The following SGCZ variants were observed in gnomAD, a reference collection of about 807,000 sequenced individuals.
SGCZ encodes sarcoglycan zeta.
In SGCZ, 40 loss-of-function variants were observed where a neutral mutation model predicts 41.3. That is an observed-to-expected ratio of 0.97 (90% confidence interval 0.75 to 1.26). The LOEUF is 1.26. Among genes scored for constraint, SGCZ ranks in the 50% most tolerant of loss-of-function variants. The pLI, the probability that SGCZ is intolerant of heterozygous loss-of-function variation, is 0.00. For missense variants in SGCZ, 552 were observed against 369.8 expected, an observed-to-expected ratio of 1.49 and a Z score of -4.04; for synonymous variants, 206 against 137.5, an observed-to-expected ratio of 1.50 and a Z score of -3.49.
chr8:14,829,985 T>C (rs889822958), intron 1 of SGCZ, among the ~76,000 whole-genome samples: 6 of 152,122 alleles, frequency 3.9e-5, no homozygotes, highest in Non-Finnish European at 5.9e-5. Flanking sequence ...TAATTTTTTC[T>C]ATTTTTTAGT....
At chr8:14,295,613 G>T (rs1041502477) in intron 3 of SGCZ, among the ~76,000 whole-genome samples, 2 of 152,058 alleles carry the variant, frequency 1.3e-5, no homozygotes, top group African/African-American at 4.8e-5. Flanking sequence ...CTATAACTGA[G>T]GGTAATATAC....
intron 1 of SGCZ, among the ~76,000 whole-genome samples, chr8:14,575,910 T>TAAAAAAAAA: frequency 1.0e-4 from 1 of 9,532 alleles, no homozygotes; most frequent in East Asian, 2.9e-3. Context: ...TGTCTCAAAA[T>TAAAAAAAAA]AACAAAAAAA....
intron 1 of SGCZ, among the ~76,000 whole-genome samples, chr8:15,116,793 G>A (rs1807285861): frequency 6.6e-6 from 1 of 152,192 alleles, no homozygotes; most frequent in African/African-American, 2.4e-5. Context: ...GCAAGTCATT[G>A]TGTGGTAGTT....
chr8:15,183,752 A>G (rs1585649687), intron 1 of SGCZ, among the ~76,000 whole-genome samples: 1 of 152,184 alleles, frequency 6.6e-6, no homozygotes, highest in East Asian at 1.9e-4. Flanking sequence ...ATTGCTAGAG[A>G]TTTTGATTCT....
At chr8:14,943,745 A>C (rs1481320384) in intron 1 of SGCZ, among the ~76,000 whole-genome samples, 1 of 152,102 alleles carries the variant, frequency 6.6e-6, no homozygotes, top group Non-Finnish European at 1.5e-5. Context: ...TTCACCCTCA[A>C]GTAGGCCCTG....
chr8:14,764,255 G>T (rs1799974484), intron 1 of SGCZ, among the ~76,000 whole-genome samples: 2 of 152,092 alleles, frequency 1.3e-5, no homozygotes, highest in Admixed American at 6.5e-5. Flanking sequence ...ATCACCCTTT[G>T]GAAAGCCCCA....
intron 1 of SGCZ, among the ~76,000 whole-genome samples, chr8:14,927,352 G>A (rs575186976): frequency 4.6e-4 from 69 of 150,028 alleles, no homozygotes; most frequent in Non-Finnish European, 8.5e-4. Flanking sequence ...CTTGTGATCC[G>A]CCCGCCTCGG....
At chr8:14,744,006 A>G (rs902819735) in intron 1 of SGCZ, among the ~76,000 whole-genome samples, 8 of 152,090 alleles carry the variant, frequency 5.3e-5, no homozygotes, top group Admixed American at 1.3e-4. Context: ...TCTCTCCTAC[A>G]GGTTTTGCAT....
At chr8:14,421,463 GT>G (rs1259311984) in intron 2 of SGCZ, among the ~76,000 whole-genome samples, 5 of 152,120 alleles carry the variant, frequency 3.3e-5, no homozygotes, top group Admixed American at 6.6e-5. Context: ...CAAATGCAAT[GT>G]TGTGATCTCC....
chr8:15,215,784 T>C (rs1801380358), intron 1 of SGCZ, among the ~76,000 whole-genome samples: 3 of 152,226 alleles, frequency 2.0e-5, no homozygotes, highest in Admixed American at 6.5e-5. Flanking sequence ...TAAAGTCCTA[T>C]ATGTTCTTTC....
At chr8:15,185,988 G>A (rs1249376948) in intron 1 of SGCZ, among the ~76,000 whole-genome samples, 1 of 151,458 alleles carries the variant, frequency 6.6e-6, no homozygotes, top group Non-Finnish European at 1.5e-5. Context: ...ACTTTGGGAG[G>A]CCGAGGTGGG....
chr8:14,807,279 C>G lies in SGCZ; in HGVS notation c.40-252353G>C, dbSNP rs974637891. ...AAAGGGTATTCAATTAGGAAAAGAGCAAGTCAAATTGTCCCTGTTTGCAGA... is the reference window on the plus strand; with the variant it reads ...AAAGGGTATTCAATTAGGAAAAGAGGAAGTCAAATTGTCCCTGTTTGCAGA... On this transcript the variant is annotated intron_variant, in intron 1 of 7. Transcript: ENST00000382080. 2.0e-4 allele frequency among the ~76,000 whole-genome samples: 30 copies of G among 152,110 alleles called. 1 individual carries two copies. Among genetic ancestry groups the G allele is most frequent in the African/African-American group, 5.1e-4 (21 of 41,498 alleles).
chr8:14,500,933 G>A (rs1802133952), intron 2 of SGCZ, among the ~76,000 whole-genome samples: 2 of 151,858 alleles, frequency 1.3e-5, no homozygotes, highest in African/African-American at 2.4e-5. Flanking sequence ...TTATACACCT[G>A]TATTAGTTTA....
chr8:14,650,547 C>G (rs1193749049), intron 1 of SGCZ, among the ~76,000 whole-genome samples: 1 of 151,938 alleles, frequency 6.6e-6, no homozygotes, highest in African/African-American at 2.4e-5. Context: ...TGCTGTTTCC[C>G]TCTTTGTGTC....
chr8:14,392,146 A>C (rs1804801021), intron 2 of SGCZ, among the ~76,000 whole-genome samples: 1 of 151,166 alleles, frequency 6.6e-6, no homozygotes, highest in Non-Finnish European at 1.5e-5. Context: ...ATAAATCACA[A>C]AAAAAATTAT....
At chr8:14,275,404 A>G (rs1427721223) in intron 3 of SGCZ, among the ~76,000 whole-genome samples, 1 of 152,124 alleles carries the variant, frequency 6.6e-6, no homozygotes, top group African/African-American at 2.4e-5. Context: ...AATCTACTGT[A>G]CAATCTAAAG....
intron 1 of SGCZ, among the ~76,000 whole-genome samples, chr8:14,570,875 T>A (rs2117230489): frequency 6.6e-6 from 1 of 152,306 alleles, no homozygotes; most frequent in East Asian, 1.9e-4. Flanking sequence ...TTAATATATC[T>A]GAAATGACTA....
At chr8:15,055,603 G>A (rs1316229847) in intron 1 of SGCZ, among the ~76,000 whole-genome samples, 1 of 152,184 alleles carries the variant, frequency 6.6e-6, no homozygotes, top group African/African-American at 2.4e-5. Flanking sequence ...GAGAAGGCCA[G>A]AGCCTGGGAC....
At chr8:15,183,002 C>A (rs1167633841) in intron 1 of SGCZ, among the ~76,000 whole-genome samples, 1 of 152,172 alleles carries the variant, frequency 6.6e-6, no homozygotes, top group Non-Finnish European at 1.5e-5. Flanking sequence ...TACACAGGAT[C>A]AGGGTTATCA....
Sources: allele counts gnomAD v4.1 joint callset (sites outside exome capture counted in the v4.1 genomes callset), GRCh38; gene constraint gnomAD v4.1.1; transcripts MANE v1.5; gene names NCBI Gene and HGNC (gene_info 2026-07-23, HGNC 2026-07-21).